Variants in MAOB observed in about 807,000 individuals in gnomAD.
The protein encoded by MAOB is amine oxidase [flavin-containing] B.
A neutral mutation model predicts 41.9 loss-of-function variants in MAOB; 15 were observed. That is an observed-to-expected ratio of 0.36 (90% confidence interval 0.24 to 0.55). MAOB has a LOEUF of 0.55. Ranked by LOEUF, MAOB falls within the 20% of genes least tolerant of loss-of-function variation. The pLI, the probability that MAOB is intolerant of heterozygous loss-of-function variation, is 0.86. For synonymous variants in MAOB, 167 were observed against 144.2 expected (o/e 1.16, Z -1.13); for missense variants, 345 against 398.7 (o/e 0.87, Z 1.15).
In MAOB at chrX:43,855,399, C is replaced by CGTGT. The variant is rs748544135; in HGVS notation, c.47-11639_47-11636dup. Reference sequence around the variant, plus strand: ...ACTCATGCTCAGTGTCTAGCATATACGTGTGTGTGTGTGTGTGTGTGTGTA... The same window carrying CGTGT: ...ACTCATGCTCAGTGTCTAGCATATACGTGTGTGTGTGTGTGTGTGTGTGTGTGTA... On this transcript the variant is annotated intron_variant, in intron 1 of 14. Coordinates refer to ENST00000378069, the MANE Select transcript of MAOB (RefSeq NM_000898.5). Among the ~76,000 whole-genome samples, 28 of 106,319 alleles carry CGTGT rather than the reference C, an allele frequency of 2.6e-4. No homozygotes were observed. In the South Asian group the frequency reaches 3.8e-3, roughly 15 times the overall value. 92.3% of individuals were successfully genotyped at this position (106,319 alleles called of 115,157 possible). A position where few individuals can be genotyped will look rare whatever the true frequency, so the allele number is the denominator to read the frequency against.
chrX:43,782,420 A>G (rs2034345136), intron 8 of MAOB, among the ~76,000 whole-genome samples: 1 of 111,228 alleles, frequency 9.0e-6, no homozygotes, highest in African/African-American at 3.3e-5. Flanking sequence ...GGACACATAC[A>G]CCCTCCCAAG....
chrX:43,781,331 A>G, intron 9 of MAOB, 117 bp downstream of exon 9: 1 of 349,872 alleles, frequency 2.9e-6, no homozygotes, highest in East Asian at 4.6e-5. Context: ...AATTTGAAAA[A>G]TAATACCACT....
intron 14 of MAOB, among the ~76,000 whole-genome samples, chrX:43,767,864 T>TG (rs1384326341): frequency 8.9e-6 from 1 of 112,163 alleles, no homozygotes; most frequent in African/African-American, 3.2e-5. Context: ...TTTCTCAGCA[T>TG]GTCTTCTTCA....
intron 1 of MAOB, among the ~76,000 whole-genome samples, chrX:43,850,796 C>T (rs1239849869): frequency 8.9e-6 from 1 of 111,946 alleles, no homozygotes; most frequent in African/African-American, 3.2e-5. Flanking sequence ...ATGATTTATG[C>T]TCTTGAAAAA....
intron 3 of MAOB, among the ~76,000 whole-genome samples, chrX:43,830,502 G>C (rs904475314): frequency 1.8e-5 from 2 of 112,223 alleles, no homozygotes; most frequent in Admixed American, 1.9e-4. Context: ...GATTTAGCCT[G>C]TTTGGGCATG....
chrX:43,810,468 T>C (rs138937046), intron 3 of MAOB, among the ~76,000 whole-genome samples: 1 of 110,345 alleles, frequency 9.1e-6, no homozygotes, highest in Admixed American at 9.7e-5. Flanking sequence ...AATTAAATCA[T>C]GTCAATAAAT....
Position 43,854,130 on chromosome X carries a change from G to A in MAOB, c.47-10366C>T, listed in dbSNP as rs1372259731. On this transcript the variant is annotated intron_variant, in intron 1 of 14. Transcript: ENST00000378069. ...TTGGGAGAGGGTAAGAGAGCAGAGA[G>A]GGAGTTCCTAGCAGAAGCACTATTT... Among the ~76,000 whole-genome samples the A allele has an allele frequency of 2.7e-5, 3 of 112,204 alleles. No homozygotes were observed. In the East Asian group the frequency reaches 8.4e-4, roughly 31 times the overall value.
chrX:43,855,966 A>G (rs1475371061), intron 1 of MAOB, among the ~76,000 whole-genome samples: 2 of 111,869 alleles, frequency 1.8e-5, no homozygotes, highest in South Asian at 7.6e-4. Flanking sequence ...TTCCATCACC[A>G]TGGAGAAACA....
chrX:43,824,014 C>T (rs144834894), intron 3 of MAOB, among the ~76,000 whole-genome samples: 2,526 of 112,317 alleles, frequency 0.022, 40 homozygotes, highest in Non-Finnish European at 0.038. Context: ...CAGCAATGAC[C>T]GTCATAATGA....
intron 3 of MAOB, among the ~76,000 whole-genome samples, chrX:43,819,507 C>T (rs2034857139): frequency 9.0e-6 from 1 of 111,596 alleles, no homozygotes; most frequent in South Asian, 3.8e-4. Context: ...GCCTTCTTGC[C>T]TTCCAACAAT....
chrX:43,877,131 G>A (rs2035444890), intron 1 of MAOB, among the ~76,000 whole-genome samples: 1 of 112,369 alleles, frequency 8.9e-6, no homozygotes, highest in Admixed American at 9.4e-5. Flanking sequence ...AGTAAGGCAT[G>A]GGAAGGTTAA....
chrX:43,830,961 C>T (rs1270766738), intron 3 of MAOB, among the ~76,000 whole-genome samples: 1 of 107,739 alleles, frequency 9.3e-6, no homozygotes, highest in Non-Finnish European at 1.9e-5. Context: ...GCATAAATAA[C>T]GTGGCCAAGG....
chrX:43,834,553 G>A (rs999473681), intron 3 of MAOB, among the ~76,000 whole-genome samples: 2 of 111,903 alleles, frequency 1.8e-5, no homozygotes, highest in African/African-American at 3.2e-5. Flanking sequence ...AAATGGCATC[G>A]CAGATAGATA....
intron 2 of MAOB, among the ~76,000 whole-genome samples, chrX:43,842,671 C>T (rs943915437): frequency 5.3e-5 from 6 of 112,241 alleles, no homozygotes; most frequent in Admixed American, 1.9e-4. Flanking sequence ...TGAAATCACC[C>T]TAAGTGTCCA....
chrX:43,773,465 G>A (rs1330458051), intron 12 of MAOB, among the ~76,000 whole-genome samples: 3 of 112,663 alleles, frequency 2.7e-5, no homozygotes, highest in Non-Finnish European at 5.6e-5. Flanking sequence ...GGCTGTCCTT[G>A]GTATTGAAGT....
intron 1 of MAOB, among the ~76,000 whole-genome samples, chrX:43,854,045 G>A (rs773211122): frequency 1.3e-3 from 151 of 112,515 alleles, no homozygotes; most frequent in Non-Finnish European, 4.3e-4. Context: ...ACATGGTGAT[G>A]AAAACCCTGG....
chrX:43,779,053 GA>G (rs1266276436), intron 10 of MAOB, among the ~76,000 whole-genome samples: 1 of 111,481 alleles, frequency 9.0e-6, no homozygotes, highest in Non-Finnish European at 1.9e-5. Context: ...AAATGTTTCT[GA>G]AACAAATGTT....
At chrX:43,847,405 G>T (rs777504733) in intron 1 of MAOB, among the ~76,000 whole-genome samples, 3 of 111,328 alleles carry the variant, frequency 2.7e-5, no homozygotes, top group African/African-American at 9.8e-5. Context: ...AACTCATGAA[G>T]CACTTTGGTC....
chrX:43,855,697 G>A lies in MAOB; in HGVS notation c.47-11933C>T, dbSNP rs746372095. ...TTTATTTTATTGACTCAATTAGAAT[G>A]GGCCTTGCATACAGAATTTGAAACA... On this transcript the variant is annotated intron_variant, in intron 1 of 14. Coordinates refer to ENST00000378069, the MANE Select transcript of MAOB (RefSeq NM_000898.5). Among the ~76,000 whole-genome samples, 5 of 111,973 alleles carry A rather than the reference G, an allele frequency of 4.5e-5. No individual in the cohort carries two copies. The South Asian group carries it at 1.9e-3, about 42-fold the overall frequency.
Sources: gnomAD v4.1 joint callset for allele counts (sites outside exome capture counted in the v4.1 genomes callset) on GRCh38, gnomAD v4.1.1 for gene constraint, MANE v1.5 for transcripts, NCBI Gene and HGNC (gene_info 2026-07-23, HGNC 2026-07-21) for gene names.